Variants in LARS2 observed in about 807,000 individuals in gnomAD.
The protein encoded by LARS2 is leucyl-tRNA synthetase 2, mitochondrial, also known as leucine--tRNA ligase, mitochondrial.
Under a neutral mutation model 116.6 loss-of-function variants are expected in LARS2, and 81 were observed. The observed-to-expected ratio is 0.69, with a 90% CI of 0.58 to 0.84. The LOEUF (loss-of-function observed/expected upper bound fraction) is 0.84. LARS2 is among the 40% of genes least tolerant of loss of function. The pLI is 0.00. For missense variants in LARS2, 968 were observed against 1,114.5 expected, an observed-to-expected ratio of 0.87 and a Z score of 1.87; for synonymous variants, 396 against 407.2, an observed-to-expected ratio of 0.97 and a Z score of 0.33.
At position 45,488,702 on chromosome 3, in the gene LARS2, C is replaced by T. The variant is rs748873353; in HGVS notation, c.1129C>T (p.Pro377Ser). ...TTTTCTTCTCCTCTGAATAGGAATT[C>T]CCAGTACTAGCTCAGAGGACACCAT... ...EGSLDSKIGI[P>S]STSSEDTILA... The change falls in exon 12 of 22, where the codon CCC becomes TCC. Residue 377 changes from proline (P) to serine (S), a missense_variant. Pro to Ser is a moderately conservative substitution (Grantham distance 74). Coordinates refer to ENST00000645846, the MANE Select transcript of LARS2 (RefSeq NM_015340.4). 6.3e-7 allele frequency: 1 copy of T among 1,598,568 alleles called. No homozygotes were observed. The highest frequency in any genetic ancestry group is 8.6e-7 in the Non-Finnish European group (1 of 1,165,748).
intron 14 of LARS2, among the ~76,000 whole-genome samples, chr3:45,500,169 T>A (rs1463472309): frequency 2.0e-5 from 3 of 152,148 alleles, no homozygotes; most frequent in Non-Finnish European, 4.4e-5. Context: ...AACTGGCTAA[T>A]TTTTGTATTT....
intron 20 of LARS2, among the ~76,000 whole-genome samples, chr3:45,524,950 C>T (rs975774333): frequency 2.0e-5 from 3 of 152,170 alleles, no homozygotes; most frequent in African/African-American, 7.2e-5. Context: ...TTTATGCCTA[C>T]AGGAAATAGG....
At chr3:45,404,281 C>A (rs1698199361) in intron 4 of LARS2, among the ~76,000 whole-genome samples, 1 of 152,140 alleles carries the variant, frequency 6.6e-6, no homozygotes, top group Non-Finnish European at 1.5e-5. Flanking sequence ...AAATTAATTT[C>A]TTATTAATTT....
intron 6 of LARS2, among the ~76,000 whole-genome samples, chr3:45,445,548 A>G (rs1002143409): frequency 6.6e-6 from 1 of 152,222 alleles, no homozygotes; most frequent in African/African-American, 2.4e-5. Context: ...TGGCTCAGAA[A>G]TTATGGCTCT....
At chr3:45,458,694 A>G (rs757947532) in intron 7 of LARS2, 49 bp from the exon 8 acceptor site, 37 of 1,605,674 alleles carry the variant, frequency 2.3e-5, no homozygotes, top group Non-Finnish European at 2.9e-5. Flanking sequence ...GTCAAAAAAA[A>G]AAAAGAGTAC....
At chr3:45,539,863 C>A (rs1184441794) in intron 20 of LARS2, among the ~76,000 whole-genome samples, 4 of 148,214 alleles carry the variant, frequency 2.7e-5, no homozygotes, top group Non-Finnish European at 6.0e-5. Flanking sequence ...AAAGAACATA[C>A]AAAACTGTAT....
At chr3:45,418,639 G>T (rs538236809) in intron 5 of LARS2, among the ~76,000 whole-genome samples, 1 of 152,142 alleles carries the variant, frequency 6.6e-6, no homozygotes, top group Non-Finnish European at 1.5e-5. Context: ...CATATTGTCC[G>T]TGTCTGCTTC....
At chr3:45,422,728 G>A (rs948687455) in intron 6 of LARS2, among the ~76,000 whole-genome samples, 3 of 152,100 alleles carry the variant, frequency 2.0e-5, no homozygotes, top group Non-Finnish European at 2.9e-5. Context: ...GGCAACAGAA[G>A]TTTTCTCTCA....
chr3:45,516,413 C>T, intron 17 of LARS2, 137 bp downstream of exon 17: 1 of 774,682 alleles, frequency 1.3e-6, no homozygotes, highest in South Asian at 1.8e-5. Context: ...CAAGTAGCAG[C>T]TTGACCAGCA....
At chr3:45,419,550 C>T (rs772679186) in intron 5 of LARS2, 119 bp from the exon 6 acceptor site, 1 of 785,386 alleles carries the variant, frequency 1.3e-6, no homozygotes, top group South Asian at 1.7e-5. Flanking sequence ...CAAAGCAACA[C>T]TTAAAACCCA....
chr3:45,399,015 C>G (rs1467472250), intron 3 of LARS2, among the ~76,000 whole-genome samples: 1 of 152,188 alleles, frequency 6.6e-6, no homozygotes, highest in African/African-American at 2.4e-5. Flanking sequence ...AATAAGGACT[C>G]ATTGGCCTGT....
At chr3:45,444,915 A>C (rs1698993625) in intron 6 of LARS2, among the ~76,000 whole-genome samples, 2 of 152,034 alleles carry the variant, frequency 1.3e-5, no homozygotes, top group African/African-American at 4.8e-5. Flanking sequence ...TTGAACCTCT[A>C]TCCCTTAGAT....
intron 6 of LARS2, among the ~76,000 whole-genome samples, chr3:45,439,900 G>C (rs1342240121): frequency 2.0e-5 from 3 of 152,216 alleles, no homozygotes; most frequent in African/African-American, 7.2e-5. Context: ...ATTTGGGAGA[G>C]AGATATATTC....
At chr3:45,448,357 A>G (rs1167317522) in intron 7 of LARS2, among the ~76,000 whole-genome samples, 1 of 152,128 alleles carries the variant, frequency 6.6e-6, no homozygotes, top group East Asian at 1.9e-4. Context: ...CTCCACCCCC[A>G]CACTGCTGTT....
chr3:45,444,426 G>A (rs1698979895), intron 6 of LARS2, among the ~76,000 whole-genome samples: 1 of 149,428 alleles, frequency 6.7e-6, no homozygotes, highest in Admixed American at 6.6e-5. Context: ...CACTTTGGGA[G>A]GCCGAGGTGG....
chr3:45,390,962 A>G (rs1318982893), intron 1 of LARS2, among the ~76,000 whole-genome samples: 1 of 152,014 alleles, frequency 6.6e-6, no homozygotes, highest in African/African-American at 2.4e-5. Context: ...TTAAAATTCG[A>G]TTTTTAGTGT....
At chr3:45,435,033 A>G (rs940664849) in intron 6 of LARS2, among the ~76,000 whole-genome samples, 3 of 152,246 alleles carry the variant, frequency 2.0e-5, no homozygotes, top group Non-Finnish European at 4.4e-5. Context: ...TCAACAGGAC[A>G]GAATCATCTG....
intron 15 of LARS2, 59 bp downstream of exon 15, chr3:45,500,638 G>A: frequency 7.6e-7 from 1 of 1,322,858 alleles, no homozygotes; most frequent in Admixed American, 2.7e-5. Context: ...ACTTTAAGCA[G>A]GTGTCAGTTC....
At position 45,400,527 on chromosome 3, in the gene LARS2, G is replaced by A. The variant is rs573724856; in HGVS notation, c.363+154G>A. Reference sequence around the variant, plus strand: ...TGAAAAGCTCAGTGTTTCCTTTTATGGATTAGATGATATTATAATAAAGCA... The same window carrying A: ...TGAAAAGCTCAGTGTTTCCTTTTATAGATTAGATGATATTATAATAAAGCA... On this transcript the variant is annotated intron_variant, in intron 4 of 21. Coordinates refer to ENST00000645846, the MANE Select transcript of LARS2 (RefSeq NM_015340.4). Among the ~76,000 whole-genome samples, 3 of 152,324 alleles carry A rather than the reference G, an allele frequency of 2.0e-5. No homozygotes were observed. In the East Asian group the frequency reaches 5.8e-4, roughly 29 times the overall value.
Sources: allele counts gnomAD v4.1 joint callset (sites outside exome capture counted in the v4.1 genomes callset), GRCh38; gene constraint gnomAD v4.1.1; transcripts MANE v1.5; gene names NCBI Gene and HGNC (gene_info 2026-07-23, HGNC 2026-07-21).